The following PPP2R2C variants were observed in gnomAD, a reference collection of about 807,000 sequenced individuals.
PPP2R2C encodes protein phosphatase 2 regulatory subunit Bgamma.
PPP2R2C carries 10 observed loss-of-function variants against 45.3 expected under a neutral mutation model. The ratio of observed to expected loss-of-function variants is 0.22; its 90% confidence interval spans 0.14 to 0.37. The LOEUF (loss-of-function observed/expected upper bound fraction) is 0.37, where lower values mean the gene tolerates loss of function less well. Among genes scored for constraint, PPP2R2C ranks in the 10% least tolerant of loss-of-function variants. The pLI, the probability that PPP2R2C is intolerant of heterozygous loss-of-function variation, is 1.00. For missense variants in PPP2R2C, 308 were observed against 619.7 expected (o/e 0.50, Z 5.34); for synonymous variants, 257 against 245.4 (o/e 1.05, Z -0.44).
In PPP2R2C at chr4:6,432,390, G is replaced by T. The variant is rs188631834; in HGVS notation, c.70+39770C>A. ...TCTCTGAGCCCCAGGGATGAAACAA[G>T]TGTTGTACCCACATCCTCAGTAGGT... On this transcript the variant is annotated intron_variant, in intron 1 of 8. Coordinates refer to ENST00000382599, the MANE Select transcript of PPP2R2C (RefSeq NM_020416.4). 8.5e-5 allele frequency among the ~76,000 whole-genome samples: 13 copies of T among 152,324 alleles called. No individual in the cohort carries two copies. The South Asian group carries it at 1.7e-3, about 19-fold the overall frequency.
chr4:6,553,416 C>T (rs369030473), intron 1 of PPP2R2C, among the ~76,000 whole-genome samples: 1 of 152,250 alleles, frequency 6.6e-6, no homozygotes, highest in Non-Finnish European at 1.5e-5. Context: ...TCCTCGTCCC[C>T]CTATCCGGGA....
intron 1 of PPP2R2C, among the ~76,000 whole-genome samples, chr4:6,400,490 C>A (rs1235522550): frequency 1.3e-5 from 2 of 152,184 alleles, no homozygotes; most frequent in Non-Finnish European, 2.9e-5. Flanking sequence ...ATACACAAAA[C>A]CTCTTTGGGA....
At chr4:6,519,670 T>C (rs1723952608) in intron 2 of PPP2R2C, among the ~76,000 whole-genome samples, 1 of 152,190 alleles carries the variant, frequency 6.6e-6, no homozygotes, top group Admixed American at 6.5e-5. Flanking sequence ...TGATATTCAT[T>C]AAATGAATGA....
chr4:6,516,518 C>T (rs1723833174), intron 2 of PPP2R2C, among the ~76,000 whole-genome samples: 1 of 152,234 alleles, frequency 6.6e-6, no homozygotes, highest in African/African-American at 2.4e-5. Context: ...ACCAGGCCAT[C>T]CGTCCATCTG....
At chr4:6,393,684 G>A (rs947179141) in intron 1 of PPP2R2C, among the ~76,000 whole-genome samples, 1 of 152,210 alleles carries the variant, frequency 6.6e-6, no homozygotes, top group Non-Finnish European at 1.5e-5. Context: ...GGAGGCCAGG[G>A]GCTGTGGCTG....
rs910304255 is a variant in PPP2R2C at position 6,324,158 on chromosome 4, G to A, written c.1053-565C>T. ...CATGAAAATACCCTCCTGGCCAGGC[G>A]TGGTGGCTCACACCTGTAATCCCAG... On this transcript the variant is annotated intron_variant, in intron 8 of 8. Transcript: ENST00000382599. This position sits in a 1 kb window ranked among gnomAD's most constrained non-coding sequence, Gnocchi z 4.1. Among the ~76,000 whole-genome samples, 3 of 152,194 alleles carry A rather than the reference G, an allele frequency of 2.0e-5. No individual in the cohort carries two copies. The highest frequency in any genetic ancestry group is 2.1e-4 in the South Asian group (1 of 4,818).
At chr4:6,535,420 C>G (rs1724572924) in intron 1 of PPP2R2C, 1 of 1,327,334 alleles carries the variant, frequency 7.5e-7, no homozygotes, top group Non-Finnish European at 1.0e-6. Flanking sequence ...ATCAAAGAGC[C>G]TTGGTGCATG....
intron 1 of PPP2R2C, among the ~76,000 whole-genome samples, chr4:6,467,060 G>C (rs1322143523): frequency 6.6e-6 from 1 of 152,160 alleles, no homozygotes; most frequent in Non-Finnish European, 1.5e-5. Flanking sequence ...GGCTCAGAAA[G>C]TGATGTGATT....
chr4:6,336,048 A>C (rs977955859), intron 6 of PPP2R2C, among the ~76,000 whole-genome samples: 2 of 152,108 alleles, frequency 1.3e-5, no homozygotes, highest in Non-Finnish European at 2.9e-5. Flanking sequence ...CGCTCCTTCC[A>C]GTCCTGGCGT....
At chr4:6,356,015 A>G (rs1165672426) in intron 5 of PPP2R2C, among the ~76,000 whole-genome samples, 1 of 131,790 alleles carries the variant, frequency 7.6e-6, no homozygotes, top group African/African-American at 2.7e-5. Flanking sequence ...AAAAAAAAAA[A>G]AGAGCACTGT....
chr4:6,368,886 A>G lies in PPP2R2C; in HGVS notation c.625+3637T>C, dbSNP rs1315274498. The stretch of plus-strand genomic sequence containing the variant: ...TGGCTAGTGACACGCCCCTGTTTAC[A>G]GTACATCAATAGCTTCATAGTTTCC... On this transcript the variant is annotated intron_variant, in intron 5 of 8. Coordinates refer to ENST00000382599, the MANE Select transcript of PPP2R2C (RefSeq NM_020416.4). The surrounding 1 kb of genome is among the most constrained non-coding windows in gnomAD (Gnocchi z 4.2). Among the ~76,000 whole-genome samples the G allele has an allele frequency of 6.6e-6, 1 of 152,154 alleles. No individual in the cohort carries two copies. The highest frequency in any genetic ancestry group is 2.1e-4 in the South Asian group (1 of 4,834).
chr4:6,410,442 C>G (rs938000063), intron 1 of PPP2R2C, among the ~76,000 whole-genome samples: 5 of 152,210 alleles, frequency 3.3e-5, no homozygotes, highest in Non-Finnish European at 5.9e-5. Context: ...CCAGAAGTGG[C>G]AGAGCAGAGA....
chr4:6,389,321 G>A (rs1240288449), intron 1 of PPP2R2C, among the ~76,000 whole-genome samples: 2 of 152,180 alleles, frequency 1.3e-5, no homozygotes, highest in Non-Finnish European at 2.9e-5. Flanking sequence ...TGCTCCCCTC[G>A]TCCATCACCA....
At chr4:6,472,009 AT>A in intron 1 of PPP2R2C, 150 bp downstream of exon 1, 10 of 737,458 alleles carry the variant, frequency 1.4e-5, no homozygotes, top group East Asian at 3.6e-5. Flanking sequence ...GTGGGATGGG[AT>A]GGGGTGGGGT....
At chr4:6,374,166 G>A (rs1355499896) in intron 4 of PPP2R2C, among the ~76,000 whole-genome samples, 1 of 152,160 alleles carries the variant, frequency 6.6e-6, no homozygotes, top group Non-Finnish European at 1.5e-5. Context: ...GAGAGAGGGA[G>A]CCCAGCTGCT....
At chr4:6,513,111 A>C (rs1331888633) in intron 2 of PPP2R2C, among the ~76,000 whole-genome samples, 2 of 152,198 alleles carry the variant, frequency 1.3e-5, no homozygotes, top group African/African-American at 4.8e-5. Context: ...TAAAGCTAGA[A>C]AATTTACCAA....
At chr4:6,384,985 G>C (rs1197003790) in intron 1 of PPP2R2C, among the ~76,000 whole-genome samples, 2 of 152,220 alleles carry the variant, frequency 1.3e-5, no homozygotes, top group African/African-American at 4.8e-5. Context: ...CCCAGGATTA[G>C]AGGTTCAAGT....
Position 6,378,411 on chromosome 4 carries a change from G to A in PPP2R2C, c.330C>T (p.Thr110=), listed in dbSNP as rs536567890. The change falls in exon 3 of 9, where the codon ACC becomes ACT. Residue 110 remains threonine (T), a synonymous_variant. Transcript: ENST00000382599. The surrounding 1 kb of genome is among the most constrained non-coding windows in gnomAD (Gnocchi z 5.2). ...CGAGGCCGGGCAGCGCCTCACCGTTGGTGGACAGGAGTGAGTGGGCGGCGT... is the reference window on the plus strand; with the variant it reads ...CGAGGCCGGGCAGCGCCTCACCGTTAGTGGACAGGAGTGAGTGGGCGGCGT... ...QQNAAHSLLS[T]NDKTIKLWKI... The A allele has an allele frequency of 8.1e-6, 13 of 1,614,180 alleles. No individual in the cohort carries two copies. The East Asian group carries it at 2.2e-4, about 28-fold the overall frequency.
At position 6,332,148 on chromosome 4, in the gene PPP2R2C, C is replaced by T. The variant is rs1288775229; in HGVS notation, c.960+1414G>A. ...CACGTAGTTTCAGGGGTTCATGGGC[C>T]TTTGCTGACCTCAGGGATGGAGGTA... is the stretch of plus-strand genomic sequence containing the variant. On this transcript the variant is annotated intron_variant, in intron 7 of 8. Coordinates refer to ENST00000382599, the MANE Select transcript of PPP2R2C (RefSeq NM_020416.4). This position sits in a 1 kb window ranked among gnomAD's most constrained non-coding sequence, Gnocchi z 4.9. Among the ~76,000 whole-genome samples the T allele has an allele frequency of 6.6e-6, 1 of 152,134 alleles. No individual in the cohort carries two copies. The highest frequency in any genetic ancestry group is 1.5e-5 in the Non-Finnish European group (1 of 68,014).
Sources: gnomAD v4.1 joint callset for allele counts (sites outside exome capture counted in the v4.1 genomes callset) on GRCh38, gnomAD v4.1.1 for gene constraint, Gnocchi (gnomAD v3.1) non-coding constraint, MANE v1.5 for transcripts, NCBI Gene and HGNC (gene_info 2026-07-23, HGNC 2026-07-21) for gene names.